The following FMO4 variants were observed in gnomAD, a reference collection of about 807,000 sequenced individuals.
The protein encoded by FMO4 is dimethylaniline monooxygenase [N-oxide-forming] 4.
Under a neutral mutation model 43.3 loss-of-function variants are expected in FMO4, and 38 were observed. The observed-to-expected ratio is 0.88, with a 90% confidence interval of 0.68 to 1.15. FMO4 has a LOEUF of 1.15. Among genes scored for constraint, FMO4 ranks in the 50% most tolerant of loss-of-function variants. The pLI is 0.00. For synonymous variants in FMO4, 224 were observed against 232.2 expected, an observed-to-expected ratio of 0.96 and a Z score of 0.32; for missense variants, 631 against 663.3, an observed-to-expected ratio of 0.95 and a Z score of 0.54.
At position 171,330,305 on chromosome 1, in the gene FMO4, A is replaced by G. The variant is rs139273596; in HGVS notation, c.485-1335A>G. On this transcript the variant is annotated intron_variant, in intron 5 of 9. Coordinates refer to ENST00000367749, the MANE Select transcript of FMO4 (RefSeq NM_002022.3). ...TCTGGCCATCACTGGCCTCATCACA[A>G]TTGTTTCCTCTGTCACCTCCCACAA... Among the ~76,000 whole-genome samples the G allele has an allele frequency of 4.4e-4, 67 of 152,298 alleles. 2 individuals carry two copies. In the East Asian group the frequency reaches 0.011, roughly 24 times the overall value.
intron 5 of FMO4, among the ~76,000 whole-genome samples, chr1:171,330,661 C>A (rs1571403868): frequency 1.3e-5 from 2 of 152,136 alleles, no homozygotes; most frequent in African/African-American, 2.4e-5. Flanking sequence ...ATGGGAAAGA[C>A]CTGCCCCCAT....
chr1:171,325,896 G>GGAGTGCA (rs1662643498), intron 5 of FMO4, among the ~76,000 whole-genome samples: 1 of 119,052 alleles, frequency 8.4e-6, no homozygotes, highest in Non-Finnish European at 1.6e-5. Flanking sequence ...TGCCTGAGCT[G>GGAGTGCA]GAGTGCAGTG....
At chr1:171,332,666 G>A (rs41303249) in intron 6 of FMO4, 43 bp from the exon 7 acceptor site, 1 of 1,520,818 alleles carries the variant, frequency 6.6e-7, no homozygotes, top group Non-Finnish European at 9.1e-7. Flanking sequence ...ACTACAAAAT[G>A]ATGAACATTT....
Position 171,334,750 on chromosome 1 carries a change from A to G in FMO4, c.1167A>G (p.Thr389=), listed in dbSNP as rs753464394. 17 of 1,563,196 alleles carry G rather than the reference A, an allele frequency of 1.1e-5. No individual in the cohort carries two copies. Among genetic ancestry groups the G allele is most frequent in the South Asian group, 2.4e-5 (2 of 82,226 alleles). Residue 389 remains threonine, a synonymous_variant, in exon 8 of 10, where the codon ACA becomes ACG. Transcript: ENST00000367749. ...CAGAGCTCCAAGCACGATGGGTCAC[A>G]AGAGTATTCAAAGGTACCATGACTC... ...SGTELQARWV[T]RVFKGLCKIP... is the part of the protein sequence containing the mutation.
At chr1:171,335,448 C>T (rs1434951871) in intron 8 of FMO4, among the ~76,000 whole-genome samples, 1 of 152,166 alleles carries the variant, frequency 6.6e-6, no homozygotes, top group African/African-American at 2.4e-5. Flanking sequence ...ATTGCTATTG[C>T]TATCATACCT....
intron 7 of FMO4, among the ~76,000 whole-genome samples, chr1:171,334,088 G>C (rs1388089825): frequency 6.6e-6 from 1 of 152,128 alleles, no homozygotes; most frequent in Non-Finnish European, 1.5e-5. Flanking sequence ...ACCCAAAATT[G>C]ATCATCAAAT....
chr1:171,340,698 C>T (rs1468225543), intron 9 of FMO4, among the ~76,000 whole-genome samples: 2 of 151,986 alleles, frequency 1.3e-5, no homozygotes, highest in African/African-American at 2.4e-5. Flanking sequence ...GGATGAAGGG[C>T]GAGTGAGTCT....
At chr1:171,325,880 C>T (rs1265788557) in intron 5 of FMO4, among the ~76,000 whole-genome samples, 2 of 94,316 alleles carry the variant, frequency 2.1e-5, no homozygotes, top group Non-Finnish European at 3.9e-5. Flanking sequence ...CAGGGTCTCA[C>T]TCTGTTGCCT....
chr1:171,324,178 A>C lies in FMO4; in HGVS notation c.362A>C (p.Glu121Ala), dbSNP rs1266983673. ...CSITKRPDFS[E>A]TGQWDVVTET... ...ATAACGAAGCGTCCAGACTTCTCCG[A>C]AACTGGTCAGTGGGATGTTGTCACA... Residue 121 changes from glutamate to alanine, a missense_variant, in exon 5 of 10, where the codon GAA (glutamate) becomes GCA (alanine). Coordinates refer to ENST00000367749, the MANE Select transcript of FMO4 (RefSeq NM_002022.3). The C allele has an allele frequency of 6.2e-7, 1 of 1,613,680 alleles. No individual in the cohort carries two copies. The highest frequency in any genetic ancestry group is 1.7e-5 in the Admixed American group (1 of 59,926).
chr1:171,341,367 G>A (rs763821504), intron 9 of FMO4, 46 bp from the exon 10 acceptor site: 9 of 1,449,290 alleles, frequency 6.2e-6, no homozygotes, highest in Non-Finnish European at 8.6e-6. Flanking sequence ...GAGAAATGCA[G>A]GGCAGGTGTG....
At chr1:171,330,472 A>T (rs566396732) in intron 5 of FMO4, among the ~76,000 whole-genome samples, 68 of 152,340 alleles carry the variant, frequency 4.5e-4, no homozygotes, top group African/African-American at 1.5e-3. Flanking sequence ...TAAAGGAAAG[A>T]AGTTTAATTG....
intron 5 of FMO4, among the ~76,000 whole-genome samples, chr1:171,328,240 G>A (rs1319162833): frequency 6.6e-6 from 1 of 151,954 alleles, no homozygotes; most frequent in Non-Finnish European, 1.5e-5. Context: ...ATGAGGTTTC[G>A]CCATGTTGGC....
intron 8 of FMO4, 67 bp from the exon 9 acceptor site, chr1:171,337,289 G>A: frequency 9.7e-7 from 1 of 1,026,462 alleles, no homozygotes; most frequent in Admixed American, 1.7e-5. Context: ...AGAAATGAGT[G>A]GGTGGAGAAT....
chr1:171,319,942 ATTATGGAAGT>A lies in FMO4; in HGVS notation c.121_130del (p.Trp41LeufsTer8), dbSNP rs1662337659. The stretch of plus-strand genomic sequence containing the variant: ...TTGAGAGAAGTGATGACATTGGGGG[ATTATGGAAGT>A]TTACTGTACGTGGTTCATCTCTATC... On this transcript the variant is annotated frameshift_variant, in exon 3 of 10. Coordinates refer to ENST00000367749, the MANE Select transcript of FMO4 (RefSeq NM_002022.3). LOFTEE classifies it high-confidence loss of function. 2 of 1,613,592 alleles carry A rather than the reference ATTATGGAAGT, an allele frequency of 1.2e-6. No homozygotes were observed. Among genetic ancestry groups the A allele is most frequent in the Non-Finnish European group, 1.7e-6 (2 of 1,179,782 alleles).
chr1:171,339,391 C>A (rs111814817), intron 9 of FMO4, among the ~76,000 whole-genome samples: 3 of 152,176 alleles, frequency 2.0e-5, no homozygotes, highest in African/African-American at 7.2e-5. Context: ...TCTGAATAAG[C>A]ATCTCCAGGA....
At chr1:171,333,881 G>A (rs1663002173) in intron 7 of FMO4, among the ~76,000 whole-genome samples, 1 of 152,040 alleles carries the variant, frequency 6.6e-6, no homozygotes, top group Admixed American at 6.6e-5. Context: ...AGTGCAGTGG[G>A]TGTGATCTTG....
intron 9 of FMO4, 152 bp from the exon 10 acceptor site, chr1:171,341,261 C>A (rs1663358808): frequency 1.6e-6 from 1 of 606,192 alleles, no homozygotes; most frequent in Non-Finnish European, 2.9e-6. Context: ...CCTTTAATTT[C>A]TTTCTTCCTA....
chr1:171,331,841 A>G (rs1161535360), intron 6 of FMO4, 59 bp downstream of exon 6: 1 of 1,508,748 alleles, frequency 6.6e-7, no homozygotes, highest in Non-Finnish European at 9.2e-7. Flanking sequence ...GGCTGGAAAG[A>G]GATATTCAAA....
rs370684504 is a variant in FMO4, at chr1:171,327,208, T to G, written c.484+2908T>G. On this transcript the variant is annotated intron_variant, in intron 5 of 9. Transcript: ENST00000367749. ...TTGGAAACTTCTTCGTGCTCCCCTTTTCCAATTTCTAATCATCCTTTAACA... is the reference window on the plus strand; with the variant it reads ...TTGGAAACTTCTTCGTGCTCCCCTTGTCCAATTTCTAATCATCCTTTAACA... Among the ~76,000 whole-genome samples the G allele has an allele frequency of 1.2e-4, 19 of 152,326 alleles. 1 individual carries two copies. Among genetic ancestry groups the G allele is most frequent in the Admixed American group, 6.5e-4 (10 of 15,296 alleles).
Sources: allele counts gnomAD v4.1 joint callset (sites outside exome capture counted in the v4.1 genomes callset), GRCh38; gene constraint gnomAD v4.1.1; transcripts MANE v1.5; gene names NCBI Gene and HGNC (gene_info 2026-07-23, HGNC 2026-07-21).